The following NOS1 variants were observed in gnomAD, a reference collection of about 807,000 sequenced individuals.
NOS1 encodes the protein NOS type I.
A neutral mutation model predicts 164.5 loss-of-function variants in NOS1; 51 were observed. That is an observed-to-expected ratio of 0.31 (90% CI 0.25 to 0.39). The LOEUF is 0.39. Ranked by LOEUF, NOS1 falls within the 10% of genes least tolerant of loss-of-function variation. NOS1 has a pLI of 1.00. For synonymous variants in NOS1, 719 were observed against 745.8 expected (o/e 0.96, Z 0.59); for missense variants, 1,362 against 1,885.6 (o/e 0.72, Z 5.14).
At chr12:117,340,639 C>T (rs1359912806) in intron 1 of NOS1, among the ~76,000 whole-genome samples, 1 of 152,178 alleles carries the variant, frequency 6.6e-6, no homozygotes, top group Non-Finnish European at 1.5e-5. Flanking sequence ...AAGTGATTCT[C>T]CTGCCTCAGC....
rs777879198 is a variant in NOS1 at position 117,210,390 on chromosome 12, T to C, written c.*4919A>G. On this transcript the variant is annotated 3_prime_UTR_variant, in exon 29 of 29. Coordinates refer to ENST00000317775, the MANE Select transcript of NOS1 (RefSeq NM_000620.5). ...ACTAGTTAGTGTTTCTCTCTCCTTG[T>C]TGCTTCCTGGCAGTCTCAGACTACA... 433 of 985,262 alleles carry C rather than the reference T, an allele frequency of 4.4e-4. No individual in the cohort carries two copies. The highest frequency in any genetic ancestry group is 5.0e-4 in the Non-Finnish European group (416 of 829,954). The allele number at this position is 985,262 out of a possible 1,614,324, so 61.0% of individuals were successfully genotyped here. A position where few individuals can be genotyped will look rare whatever the true frequency, so the allele number is the denominator to read the frequency against.
intron 14 of NOS1, 101 bp from the exon 15 acceptor site, chr12:117,259,231 G>A: frequency 1.4e-6 from 1 of 734,452 alleles, no homozygotes; most frequent in Non-Finnish European, 2.3e-6. Flanking sequence ...AGGGCAAGAG[G>A]AGAGAAAGGA....
chr12:117,242,715 G>A lies in NOS1; in HGVS notation c.2963-10C>T. On this transcript the variant is annotated splice_polypyrimidine_tract_variant and intron_variant, in intron 19 of 28. Coordinates refer to ENST00000317775, the MANE Select transcript of NOS1 (RefSeq NM_000620.5). ...TGGACATTGGATAGACCTGTGGGGA[G>A]AAAAACAACAGTCTTCCTGAGAAGG... 2 of 1,613,146 alleles carry A rather than the reference G, an allele frequency of 1.2e-6. No individual in the cohort carries two copies. Among genetic ancestry groups the A allele is most frequent in the Non-Finnish European group, 1.7e-6 (2 of 1,179,096 alleles).
chr12:117,324,195 A>G (rs914919393), intron 2 of NOS1, among the ~76,000 whole-genome samples: 1 of 152,164 alleles, frequency 6.6e-6, no homozygotes, highest in East Asian at 1.9e-4. Context: ...GCCCTCATCT[A>G]TGAAAGTAGG....
At chr12:117,237,615 G>C (rs73401869) in intron 20 of NOS1, among the ~76,000 whole-genome samples, 6,065 of 151,958 alleles carry the variant, frequency 0.04, 391 homozygotes, top group African/African-American at 0.14. Context: ...CACATGCTTG[G>C]CGGTGGCTCA....
At chr12:117,270,970 G>A (rs1768116168) in intron 10 of NOS1, among the ~76,000 whole-genome samples, 1 of 152,162 alleles carries the variant, frequency 6.6e-6, no homozygotes, top group Non-Finnish European at 1.5e-5. Context: ...TTAAGCCCAG[G>A]AGGTGGAGGT....
chr12:117,220,616 T>G (rs886974054), intron 26 of NOS1, among the ~76,000 whole-genome samples: 4 of 152,044 alleles, frequency 2.6e-5, no homozygotes, highest in African/African-American at 9.7e-5. Context: ...TGGTGGCCAA[T>G]GGTCACCGGG....
intron 9 of NOS1, among the ~76,000 whole-genome samples, chr12:117,275,430 A>T: frequency 6.6e-6 from 1 of 152,194 alleles, no homozygotes; most frequent in East Asian, 1.9e-4. Flanking sequence ...TCTCACTCAT[A>T]GGTAGAAGCT....
Position 117,272,303 on chromosome 12 carries a change from G to T in NOS1, c.1839+82C>A. 6.6e-6 allele frequency: 10 copies of T among 1,503,968 alleles called. No homozygotes were observed. The highest frequency in any genetic ancestry group is 9.2e-6 in the Non-Finnish European group (10 of 1,088,458). The allele number at this position is 1,503,968 out of a possible 1,614,324, so 93.2% of individuals were successfully genotyped here. A position where few individuals can be genotyped will look rare whatever the true frequency, so the allele number is the denominator to read the frequency against. ...CCCCTTCAAGTTTCCAAGCCACCAA[G>T]CTCGCCGTGGGGAAGGGGACTGCTG... is the stretch of plus-strand genomic sequence containing the variant. On this transcript the variant is annotated intron_variant, in intron 10 of 28. Coordinates refer to ENST00000317775, the MANE Select transcript of NOS1 (RefSeq NM_000620.5). This position sits in a 1 kb window ranked among gnomAD's most constrained non-coding sequence, Gnocchi z 4.3.
intron 7 of NOS1, among the ~76,000 whole-genome samples, chr12:117,281,107 G>C (rs41507951): frequency 1.1e-3 from 165 of 152,324 alleles, no homozygotes; most frequent in African/African-American, 3.7e-3. Flanking sequence ...CCACCATGCT[G>C]AAGGAAAGAA....
chr12:117,295,723 G>T (rs1873370601), intron 3 of NOS1, among the ~76,000 whole-genome samples: 1 of 148,954 alleles, frequency 6.7e-6, no homozygotes, highest in East Asian at 2.0e-4. Flanking sequence ...TGGGTTAAGT[G>T]ATTCTCCTGC....
intron 3 of NOS1, among the ~76,000 whole-genome samples, chr12:117,303,509 T>G (rs1873960457): frequency 6.6e-6 from 1 of 151,984 alleles, no homozygotes; most frequent in African/African-American, 2.4e-5. Context: ...TCTGATCACC[T>G]TTACCAGCTA....
At position 117,285,236 on chromosome 12, in the gene NOS1, C is replaced by G; in HGVS notation, c.1382+5G>C. The G allele has an allele frequency of 6.2e-7, 1 of 1,609,008 alleles. No homozygotes were observed. The highest frequency in any genetic ancestry group is 1.7e-5 in the Admixed American group (1 of 59,902). The stretch of plus-strand genomic sequence containing the variant: ...TGCTCCCCAGTGCCCAGCTGGTCAG[C>G]TCACCTGAGGTTCCCTTTGTTGGTG... On this transcript the variant is annotated splice_donor_5th_base_variant and intron_variant, in intron 7 of 28. Transcript: ENST00000317775.
At position 117,259,156 on chromosome 12, in the gene NOS1, G is replaced by A. The variant is rs1446596235; in HGVS notation, c.2368-26C>T. On this transcript the variant is annotated intron_variant, in intron 14 of 28. Transcript: ENST00000317775. ...CTAGGTGGGCAGGGCACAGGTATAG[G>A]ATGGGGAGAGGAAGAAGGGGATGAG... 1.1e-5 allele frequency: 17 copies of A among 1,486,594 alleles called. No individual in the cohort carries two copies. In the East Asian group the frequency reaches 3.6e-4, roughly 32 times the overall value. 92.1% of individuals were successfully genotyped at this position (1,486,594 alleles called of 1,614,324 possible).
chr12:117,319,566 GC>G (rs1874819644), intron 2 of NOS1, among the ~76,000 whole-genome samples: 1 of 152,178 alleles, frequency 6.6e-6, no homozygotes, highest in South Asian at 2.1e-4. Context: ...CCCCGCAGTG[GC>G]CCCTTCCCAG....
chr12:117,230,711 A>G (rs1321045660), intron 22 of NOS1, among the ~76,000 whole-genome samples: 1 of 152,136 alleles, frequency 6.6e-6, no homozygotes, highest in Non-Finnish European at 1.5e-5. Context: ...GCAAGGTGGT[A>G]GAGGCTACAT....
At chr12:117,346,602 G>C (rs1876362372) in intron 1 of NOS1, among the ~76,000 whole-genome samples, 1 of 152,212 alleles carries the variant, frequency 6.6e-6, no homozygotes, top group African/African-American at 2.4e-5. Flanking sequence ...CGTGGTCCAT[G>C]CACCAGCACC....
intron 20 of NOS1, among the ~76,000 whole-genome samples, chr12:117,239,742 G>A (rs1870015961): frequency 6.6e-6 from 1 of 151,908 alleles, no homozygotes; most frequent in Admixed American, 6.6e-5. Flanking sequence ...TATGAAGCTG[G>A]AAACGGTATT....
Position 117,308,834 on chromosome 12 carries a change from AT to A in NOS1, c.852+2631del, listed in dbSNP as rs541886937. ...CTGGTCTTGAACTCTTGACCTCGTGATTTGCCTCCCTCGGCCTCCCAAAGTG... is the reference window on the plus strand; with the variant it reads ...CTGGTCTTGAACTCTTGACCTCGTGATTGCCTCCCTCGGCCTCCCAAAGTG... On this transcript the variant is annotated intron_variant, in intron 3 of 28. Coordinates refer to ENST00000317775, the MANE Select transcript of NOS1 (RefSeq NM_000620.5). Among the ~76,000 whole-genome samples the A allele has an allele frequency of 6.9e-3, 1,056 of 152,190 alleles. 7 individuals are homozygous for A. Among genetic ancestry groups the A allele is most frequent in the Non-Finnish European group, 0.011 (730 of 68,006 alleles).
Sources: allele counts gnomAD v4.1 joint callset (sites outside exome capture counted in the v4.1 genomes callset), GRCh38; gene constraint gnomAD v4.1.1; non-coding constraint Gnocchi (gnomAD v3.1); transcripts MANE v1.5; gene names NCBI Gene and HGNC (gene_info 2026-07-23, HGNC 2026-07-21).